ZBTB34: variants seen among roughly 807,000 people sequenced by gnomAD.
ZBTB34 encodes zinc finger and BTB domain-containing protein 34.
A neutral mutation model predicts 33.4 loss-of-function variants in ZBTB34; 1 was observed. The observed-to-expected ratio is 0.03, with a 90% CI of 0.01 to 0.14. The LOEUF is 0.14. Ranked by LOEUF, ZBTB34 falls within the 10% of genes least tolerant of loss-of-function variation. ZBTB34 has a pLI of 1.00. For missense variants in ZBTB34, 406 were observed against 657.2 expected, an observed-to-expected ratio of 0.62 and a Z score of 4.18; for synonymous variants, 283 against 253.5, an observed-to-expected ratio of 1.12 and a Z score of -1.11.
intron 1 of ZBTB34, among the ~76,000 whole-genome samples, chr9:126,876,663 T>C (rs917817303): frequency 6.6e-6 from 1 of 152,246 alleles, no homozygotes; most frequent in African/African-American, 2.4e-5. Context: ...ATTTGTGCCA[T>C]ATGAACTGAG....
chr9:126,869,494 C>T (rs1160938439), intron 1 of ZBTB34, among the ~76,000 whole-genome samples: 3 of 152,068 alleles, frequency 2.0e-5, no homozygotes, highest in East Asian at 1.9e-4. Context: ...CGGATGATGA[C>T]GGTGGTGGAG....
At chr9:126,868,277 C>T (rs191859359) in intron 1 of ZBTB34, among the ~76,000 whole-genome samples, 18 of 152,160 alleles carry the variant, frequency 1.2e-4, no homozygotes, top group African/African-American at 1.7e-4. Flanking sequence ...TGGGATCTTG[C>T]GAAGATGTCA....
chr9:126,868,952 G>C (rs2033243384), intron 1 of ZBTB34, among the ~76,000 whole-genome samples: 1 of 152,128 alleles, frequency 6.6e-6, no homozygotes, highest in South Asian at 2.1e-4. Context: ...TGGAGGGCAT[G>C]ATACACGGTG....
chr9:126,879,522 C>T lies in ZBTB34; in HGVS notation c.123C>T (p.His41=). ...GGAAACTATGTGACATCATTGTACA[C>T]ATTCAGGGTCAGCCATTCCGAGCCC... The change falls in exon 2 of 2, where the codon CAC becomes CAT. Residue 41 remains histidine (H), a synonymous_variant. Transcript: ENST00000319119. This position sits in a 1 kb window ranked among gnomAD's most constrained non-coding sequence, Gnocchi z 6.4. 6.2e-7 allele frequency: 1 copy of T among 1,613,904 alleles called. No individual in the cohort carries two copies. Among genetic ancestry groups the T allele is most frequent in the Non-Finnish European group, 8.5e-7 (1 of 1,179,890 alleles).
Position 126,880,106 on chromosome 9 carries a change from C to T in ZBTB34, c.707C>T (p.Thr236Ile), listed in dbSNP as rs2033415412. 4 of 1,613,610 alleles carry T rather than the reference C, an allele frequency of 2.5e-6. No individual in the cohort carries two copies. The highest frequency in any genetic ancestry group is 1.7e-6 in the Non-Finnish European group (2 of 1,179,900). ...CTATTGGTGAGGGAGAGCCAGATCA[C>T]CGAGGTGAAAGTGAAGATGGAGAAG... is the stretch of plus-strand genomic sequence containing the variant. Residue 236 changes from threonine (T) to isoleucine (I), a missense_variant, in exon 2 of 2, where the codon ACC becomes ATC. Around this residue, in one of 6 missense-constraint regions of ZBTB34, gnomAD observed 137 missense variants for 173.0 expected, o/e 0.79. Transcript: ENST00000319119. This position sits in a 1 kb window ranked among gnomAD's most constrained non-coding sequence, Gnocchi z 6.7.
chr9:126,881,430 T>C (rs1221643263), exon 2 of ZBTB34: 1 of 164,482 alleles, frequency 6.1e-6, no homozygotes, highest in Non-Finnish European at 1.5e-5. Flanking sequence ...TTGATTTTAT[T>C]CTGGTTGAGG....
At chr9:126,861,523 G>A (rs916070228) in intron 1 of ZBTB34, among the ~76,000 whole-genome samples, 3 of 152,200 alleles carry the variant, frequency 2.0e-5, no homozygotes, top group African/African-American at 7.2e-5. Flanking sequence ...TTCCGTGTAT[G>A]TCTCAAATTG....
intron 1 of ZBTB34, among the ~76,000 whole-genome samples, chr9:126,865,433 A>T (rs907085079): frequency 6.6e-6 from 1 of 152,196 alleles, no homozygotes; most frequent in African/African-American, 2.4e-5. Flanking sequence ...CACATTTCTA[A>T]TTGTTCAGCT....
intron 1 of ZBTB34, among the ~76,000 whole-genome samples, chr9:126,867,825 A>T (rs1237457668): frequency 6.6e-6 from 1 of 151,368 alleles, no homozygotes; most frequent in Non-Finnish European, 1.5e-5. Context: ...GAGTGGCATT[A>T]AATGGAAAGT....
At chr9:126,872,636 A>T (rs2033296181) in intron 1 of ZBTB34, among the ~76,000 whole-genome samples, 1 of 152,152 alleles carries the variant, frequency 6.6e-6, no homozygotes, top group Non-Finnish European at 1.5e-5. Context: ...CTACACATGG[A>T]GTGTAGAACT....
intron 1 of ZBTB34, among the ~76,000 whole-genome samples, chr9:126,874,435 G>T (rs943616825): frequency 3.9e-5 from 6 of 151,956 alleles, no homozygotes; most frequent in Non-Finnish European, 7.4e-5. Flanking sequence ...GTATTTTTTA[G>T]ATATATAAAA....
intron 1 of ZBTB34, among the ~76,000 whole-genome samples, chr9:126,868,739 T>C (rs2119212173): frequency 6.6e-6 from 1 of 152,358 alleles, no homozygotes; most frequent in East Asian, 1.9e-4. Context: ...GAACTTGGGC[T>C]GAACCCTGTG....
Position 126,872,459 on chromosome 9 carries a change from C to G in ZBTB34, c.-10-6931C>G, listed in dbSNP as rs2033293420. ...TTGATCTAACTTAGGTGTAGGCCCA[C>G]TGACATTCCACACAGGGGAGAAAAT... is the stretch of plus-strand genomic sequence containing the variant. On this transcript the variant is annotated intron_variant, in intron 1 of 1. Transcript: ENST00000319119. Among the ~76,000 whole-genome samples the G allele has an allele frequency of 2.0e-5, 3 of 152,196 alleles. No individual in the cohort carries two copies. In the South Asian group the frequency reaches 6.2e-4, roughly 32 times the overall value.
intron 1 of ZBTB34, among the ~76,000 whole-genome samples, chr9:126,878,730 T>TG (rs1201588512): frequency 2.2e-4 from 33 of 151,462 alleles, no homozygotes; most frequent in African/African-American, 7.7e-4. Context: ...TGTTTTGTTT[T>TG]TTTTTTTTTT....
At chr9:126,861,156 C>T (rs1041064851) in intron 1 of ZBTB34, among the ~76,000 whole-genome samples, 33 of 152,246 alleles carry the variant, frequency 2.2e-4, no homozygotes, top group African/African-American at 6.3e-4. Flanking sequence ...GTTGAGTTCC[C>T]TGGAGAGCCG....
Position 126,879,854 on chromosome 9 carries a change from G to A in ZBTB34, c.455G>A (p.Arg152Gln), listed in dbSNP as rs113177977. The A allele has an allele frequency of 1.9e-6, 3 of 1,612,896 alleles. No homozygotes were observed. The highest frequency in any genetic ancestry group is 1.7e-5 in the Admixed American group (1 of 59,980). ...GGTGCTGAAGAGAATCCCGAGAGTCGAAACGGAGTGAAAGACAGCAGCTTC... is the reference window on the plus strand; with the variant it reads ...GGTGCTGAAGAGAATCCCGAGAGTCAAAACGGAGTGAAAGACAGCAGCTTC... The change falls in exon 2 of 2, where the codon CGA (arginine) becomes CAA (glutamine). Residue 152 changes from arginine to glutamine, a missense_variant. By Grantham distance (43) the Arg-to-Gln change is conservative. This residue lies in a region of ZBTB34 where 137 missense variants were observed against 173.0 expected (regional missense o/e 0.79). Coordinates refer to ENST00000319119, the Ensembl canonical transcript of ZBTB34. The surrounding 1 kb of genome is among the most constrained non-coding windows in gnomAD (Gnocchi z 6.4).
rs2033427207 is a variant in ZBTB34, at chr9:126,880,711, G to A, written c.1312G>A (p.Gly438Arg). The A allele has an allele frequency of 2.5e-6, 4 of 1,613,740 alleles. No homozygotes were observed. The highest frequency in any genetic ancestry group is 1.7e-6 in the Non-Finnish European group (2 of 1,179,880). Residue 438 changes from glycine to arginine, a missense_variant, in exon 2 of 2, where the codon GGG becomes AGG. This residue lies in a region of ZBTB34 where 36 missense variants were observed against 109.4 expected (regional missense o/e 0.33). Transcript: ENST00000319119. The surrounding 1 kb of genome is among the most constrained non-coding windows in gnomAD (Gnocchi z 6.7). Reference sequence around the variant, plus strand: ...TAAACCATTCCGCTGTGAGATCTGCGGGAAGTGCTTTCCATTCCAAGGTAC... The same window carrying A: ...TAAACCATTCCGCTGTGAGATCTGCAGGAAGTGCTTTCCATTCCAAGGTAC...
chr9:126,877,611 G>A lies in ZBTB34; in HGVS notation c.-10-1779G>A, dbSNP rs78082241. On this transcript the variant is annotated intron_variant, in intron 1 of 1. Coordinates refer to ENST00000319119, the Ensembl canonical transcript of ZBTB34. ...ATTTTAGGCCACAGGAAGGAAACCT[G>A]TTGTAGGTGTGCCGCAGCTGTGAGC... 2.6e-3 allele frequency among the ~76,000 whole-genome samples: 389 copies of A among 152,310 alleles called. 2 individuals are homozygous for A. Among genetic ancestry groups the A allele is most frequent in the African/African-American group, 8.9e-3 (371 of 41,572 alleles).
Position 126,880,357 on chromosome 9 carries a change from C to T in ZBTB34, c.958C>T (p.Arg320Ter). Residue 320 changes from arginine to a stop codon, truncating the protein, a stop_gained, in exon 2 of 2, where the codon CGA becomes TGA. Transcript: ENST00000319119. LOFTEE classifies it high-confidence loss of function. The surrounding 1 kb of genome is among the most constrained non-coding windows in gnomAD (Gnocchi z 6.7). ...ATCCAGGTCCATGCTGAGCTGTTTCCGAGGAGGGCGTGCCCGCCAGAAGCG... is the reference window on the plus strand; with the variant it reads ...ATCCAGGTCCATGCTGAGCTGTTTCTGAGGAGGGCGTGCCCGCCAGAAGCG... 6.2e-7 allele frequency: 1 copy of T among 1,613,898 alleles called. No individual in the cohort carries two copies. Among genetic ancestry groups the T allele is most frequent in the Non-Finnish European group, 8.5e-7 (1 of 1,179,878 alleles).
Sources: gnomAD v4.1 joint callset for allele counts (sites outside exome capture counted in the v4.1 genomes callset) on GRCh38, gnomAD v4.1.1 for gene constraint, gnomAD v4.1.1 regional missense constraint, Gnocchi (gnomAD v3.1) non-coding constraint, MANE v1.5 for transcripts, NCBI Gene and HGNC (gene_info 2026-07-23, HGNC 2026-07-21) for gene names.